Variants in PPARGC1A observed in about 807,000 individuals in gnomAD.
PPARGC1A encodes the protein PPARG coactivator 1 alpha.
In PPARGC1A, 25 loss-of-function variants were observed where a neutral mutation model predicts 88.7. That is an observed-to-expected ratio of 0.28 (90% CI 0.21 to 0.39). The LOEUF (loss-of-function observed/expected upper bound fraction) is 0.39, where lower values mean the gene tolerates loss of function less well. PPARGC1A is among the 10% of genes least tolerant of loss of function. The pLI, the probability that PPARGC1A is intolerant of heterozygous loss-of-function variation, is 1.00. For synonymous variants in PPARGC1A, 363 were observed against 355.6 expected, an observed-to-expected ratio of 1.02 and a Z score of -0.24; for missense variants, 880 against 968.7, an observed-to-expected ratio of 0.91 and a Z score of 1.22.
the PPARGC1A span, among the ~76,000 whole-genome samples, chr4:24,452,143 C>A: frequency 2.6e-5 from 4 of 151,592 alleles, no homozygotes; most frequent in South Asian, 8.4e-4. Context: ...AAACTCTCCC[C>A]TGGATCTCCA....
the PPARGC1A span, among the ~76,000 whole-genome samples, chr4:24,027,196 A>AGTGTGTGT: frequency 0.028 from 3,750 of 133,404 alleles, 140 homozygotes; most frequent in African/African-American, 0.09. Context: ...ACCTCAGGCT[A>AGTGTGTGT]GTGTGTGTGT....
chr4:24,050,398 A>G, the PPARGC1A span, among the ~76,000 whole-genome samples: 1 of 151,620 alleles, frequency 6.6e-6, no homozygotes, highest in Non-Finnish European at 1.5e-5. Flanking sequence ...GGGTTTCATC[A>G]TGTTGGTCAG....
intron 2 of PPARGC1A, among the ~76,000 whole-genome samples, chr4:23,835,669 A>C (rs1725889154): frequency 6.6e-6 from 1 of 152,058 alleles, no homozygotes; most frequent in Admixed American, 6.6e-5. Context: ...TATTTTAGTA[A>C]ATTTTTTAGT....
the PPARGC1A span, among the ~76,000 whole-genome samples, chr4:23,940,445 G>C: frequency 6.6e-6 from 1 of 152,142 alleles, no homozygotes; most frequent in Non-Finnish European, 1.5e-5. Flanking sequence ...ACCTCAACAG[G>C]CAATTGTCCA....
rs149496435 is a variant in PPARGC1A at position 23,879,119 on chromosome 4, T to C, written c.234+5633A>G. 9.2e-5 allele frequency among the ~76,000 whole-genome samples: 14 copies of C among 152,334 alleles called. No individual in the cohort carries two copies. The East Asian group carries it at 2.5e-3, about 27-fold the overall frequency. On this transcript the variant is annotated intron_variant, in intron 2 of 12. Coordinates refer to ENST00000264867, the MANE Select transcript of PPARGC1A (RefSeq NM_013261.5). Reference sequence around the variant, plus strand: ...AAGTGATTATTGTAAATTAATTCAGTCCTCCCACATAACAAAAAAGAATTT... The same window carrying C: ...AAGTGATTATTGTAAATTAATTCAGCCCTCCCACATAACAAAAAAGAATTT...
intron 2 of PPARGC1A, among the ~76,000 whole-genome samples, chr4:23,876,902 G>A (rs1354918235): frequency 1.3e-5 from 2 of 152,130 alleles, no homozygotes; most frequent in Non-Finnish European, 2.9e-5. Context: ...CCATCTGGCT[G>A]CAAACCTTGA....
the PPARGC1A span, among the ~76,000 whole-genome samples, chr4:23,956,981 T>C: frequency 1.1e-4 from 17 of 152,216 alleles, no homozygotes; most frequent in African/African-American, 4.1e-4. Flanking sequence ...ATAGCTTCAA[T>C]TGCACCAAGT....
At chr4:24,014,195 A>T in the PPARGC1A span, among the ~76,000 whole-genome samples, 1 of 152,194 alleles carries the variant, frequency 6.6e-6, no homozygotes, top group Non-Finnish European at 1.5e-5. Flanking sequence ...AATAAAGCTG[A>T]GTTCACGTAC....
At chr4:24,436,960 G>A in the PPARGC1A span, among the ~76,000 whole-genome samples, 3,653 of 152,218 alleles carry the variant, frequency 0.024, 88 homozygotes, top group East Asian at 0.11. Context: ...AGTGTCTGGC[G>A]GGCTGGCTCT....
the PPARGC1A span, among the ~76,000 whole-genome samples, chr4:24,101,724 T>C: frequency 2.0e-5 from 3 of 152,230 alleles, no homozygotes; most frequent in Admixed American, 6.5e-5. Flanking sequence ...AGTGCTGTAA[T>C]AGAAATCAAT....
intron 2 of PPARGC1A, among the ~76,000 whole-genome samples, chr4:23,854,691 C>G (rs1729871534): frequency 8.0e-6 from 1 of 124,502 alleles, no homozygotes. Flanking sequence ...GCAAGATTCA[C>G]CTTTAAAATT....
At chr4:24,206,630 G>A in the PPARGC1A span, among the ~76,000 whole-genome samples, 1 of 151,938 alleles carries the variant, frequency 6.6e-6, no homozygotes, top group Admixed American at 6.6e-5. Context: ...CCAGGAGTTC[G>A]AGACCAGCCT....
At chr4:24,170,478 C>A in the PPARGC1A span, among the ~76,000 whole-genome samples, 1 of 152,110 alleles carries the variant, frequency 6.6e-6, no homozygotes, top group African/African-American at 2.4e-5. Context: ...TTAAACTGAG[C>A]TAAATTGCAA....
At chr4:23,950,441 C>A in the PPARGC1A span, among the ~76,000 whole-genome samples, 1 of 152,068 alleles carries the variant, frequency 6.6e-6, no homozygotes, top group Non-Finnish European at 1.5e-5. Context: ...CAGGAGGTAA[C>A]AAGCATCGGT....
the PPARGC1A span, among the ~76,000 whole-genome samples, chr4:24,303,849 A>G: frequency 4.6e-5 from 7 of 152,234 alleles, no homozygotes; most frequent in African/African-American, 7.2e-5. Flanking sequence ...GAGACTCTCC[A>G]TGTCTGGTTT....
chr4:24,300,324 A>ATTTTTTTTTTTTTTTTTTTTTTTTTTTT, the PPARGC1A span, among the ~76,000 whole-genome samples: 9 of 45,028 alleles, frequency 2.0e-4, 4 homozygotes, highest in African/African-American at 2.8e-4. Flanking sequence ...ATACAATAGC[A>ATTTTTTTTTTTTTTTTTTTTTTTTTTTT]TTTTTTTTTT....
the PPARGC1A span, among the ~76,000 whole-genome samples, chr4:24,314,292 C>G: frequency 6.6e-6 from 1 of 152,172 alleles, no homozygotes; most frequent in Non-Finnish European, 1.5e-5. Context: ...TAACCCCCAT[C>G]ACAGTGGTAT....
At chr4:24,422,538 T>C in the PPARGC1A span, among the ~76,000 whole-genome samples, 1 of 151,924 alleles carries the variant, frequency 6.6e-6, no homozygotes, top group Admixed American at 6.6e-5. Flanking sequence ...CTTTTTCCAG[T>C]AAGCCTTCCC....
chr4:23,928,764 A>C, the PPARGC1A span, among the ~76,000 whole-genome samples: 4 of 7,306 alleles, frequency 5.5e-4, no homozygotes, highest in South Asian at 8.6e-3. Context: ...AAAAAAACAA[A>C]AAAAACAAAA....
Sources: gnomAD v4.1 joint callset for allele counts (sites outside exome capture counted in the v4.1 genomes callset) on GRCh38, gnomAD v4.1.1 for gene constraint, MANE v1.5 for transcripts, NCBI Gene and HGNC (gene_info 2026-07-23, HGNC 2026-07-21) for gene names.